Variants in FMN1 observed in about 807,000 individuals in gnomAD.
FMN1 encodes the protein formin 1.
FMN1 carries 110 observed loss-of-function variants against 132.4 expected under a neutral mutation model. That is an observed-to-expected ratio of 0.83 (90% CI 0.71 to 0.97). The LOEUF is 0.97. FMN1 is among the 50% of genes least tolerant of loss of function. FMN1 has a pLI of 0.00. For missense variants in FMN1, 1,792 were observed against 1,705.3 expected (o/e 1.05, Z -0.90); for synonymous variants, 722 against 651.7 (o/e 1.11, Z -1.64).
chr15:32,908,603 C>CAAAAAAAAAAAAAAAAAAAAACA, intron 11 of FMN1, 25 bp from the exon 12 acceptor site: 1 of 600,922 alleles, frequency 1.7e-6, no homozygotes, highest in African/African-American at 2.5e-5. Context: ...AAAACAAAAC[C>CAAAAAAAAAAAAAAAAAAAAACA]AAAAAAAAAA....
intron 2 of FMN1, among the ~76,000 whole-genome samples, chr15:33,189,168 G>A (rs890541622): frequency 8.5e-5 from 13 of 152,150 alleles, no homozygotes; most frequent in Non-Finnish European, 1.6e-4. Context: ...TCCATTATGT[G>A]TGATATGTTT....
chr15:32,804,809 CT>C (rs1373703725), intron 17 of FMN1, among the ~76,000 whole-genome samples: 1 of 152,040 alleles, frequency 6.6e-6, no homozygotes, highest in Non-Finnish European at 1.5e-5. Flanking sequence ...TAGTTTCTGG[CT>C]TCATCCGTGT....
At chr15:33,055,671 A>G (rs541289432) in intron 6 of FMN1, among the ~76,000 whole-genome samples, 1 of 152,274 alleles carries the variant, frequency 6.6e-6, no homozygotes, top group South Asian at 2.1e-4. Flanking sequence ...ACAAATGAAG[A>G]GCACTAATAA....
rs142875723 is a variant in FMN1, at chr15:33,083,730, C to G, written c.2043+5069G>C. ...GGGGATGGGTAAAATAAGGCTGAGA[C>G]CTGCTGGGCTGCATTCCTAGTAGAT... On this transcript the variant is annotated intron_variant, in intron 5 of 20. Transcript: ENST00000616417. Among the ~76,000 whole-genome samples, 1,042 of 152,236 alleles carry G rather than the reference C, an allele frequency of 6.8e-3. 21 individuals carry two copies. Among genetic ancestry groups the G allele is most frequent in the African/African-American group, 0.024 (997 of 41,530 alleles).
At chr15:32,889,874 C>T (rs2059984375) in intron 15 of FMN1, among the ~76,000 whole-genome samples, 1 of 152,104 alleles carries the variant, frequency 6.6e-6, no homozygotes, top group Non-Finnish European at 1.5e-5. Context: ...CCCTATCGCC[C>T]AAGAAATATA....
At chr15:32,810,160 A>C (rs1402539442) in intron 17 of FMN1, among the ~76,000 whole-genome samples, 1 of 152,056 alleles carries the variant, frequency 6.6e-6, no homozygotes, top group Non-Finnish European at 1.5e-5. Flanking sequence ...CAAGTGATCC[A>C]TCTGCCTCAG....
chr15:33,099,534 T>G (rs946605094), intron 4 of FMN1, among the ~76,000 whole-genome samples: 5 of 152,140 alleles, frequency 3.3e-5, no homozygotes, highest in Admixed American at 2.6e-4. Flanking sequence ...CCTTTCAGAA[T>G]GTATCATGAA....
chr15:33,024,786 T>G (rs2141032976), intron 6 of FMN1, among the ~76,000 whole-genome samples: 1 of 152,312 alleles, frequency 6.6e-6, no homozygotes. Flanking sequence ...GAACCATTGT[T>G]TCTAACAGTG....
Position 33,153,098 on chromosome 15 carries a change from C to T in FMN1, c.1817G>A (p.Ser606Asn). 6.5e-7 allele frequency: 1 copy of T among 1,535,800 alleles called. No individual in the cohort carries two copies. The highest frequency in any genetic ancestry group is 8.7e-7 in the Non-Finnish European group (1 of 1,146,764). Residue 606 changes from serine (S) to asparagine (N), a missense_variant, in exon 4 of 21, where the codon AGC becomes AAC. By Grantham distance (46) the Ser-to-Asn change is conservative. Around this residue, in one of 3 missense-constraint regions of FMN1, gnomAD observed 1,150 missense variants for 1,043.1 expected, o/e 1.10. Transcript: ENST00000616417. Reference protein sequence around the residue: ...RLVPGETLEKSLGPGKTTAEP... With the variant: ...RLVPGETLEKNLGPGKTTAEP... ...AGCTGTGGTCTTCCCTGGCCCCAAG[C>T]TCTTTTCCAAAGTTTCCCCAGGCAC... is the stretch of plus-strand genomic sequence containing the variant.
At chr15:33,023,056 A>AC (rs2035489402) in intron 6 of FMN1, among the ~76,000 whole-genome samples, 1 of 55,994 alleles carries the variant, frequency 1.8e-5, no homozygotes, top group African/African-American at 7.3e-5. Flanking sequence ...CCCCTCCCCC[A>AC]CCCAAAAAAA....
At chr15:33,009,989 C>T (rs888114768) in intron 6 of FMN1, among the ~76,000 whole-genome samples, 9 of 152,124 alleles carry the variant, frequency 5.9e-5, no homozygotes, top group African/African-American at 1.9e-4. Context: ...CAAGTTCAAG[C>T]GATTCTTCTG....
At position 32,804,322 on chromosome 15, in the gene FMN1, C is replaced by T; in HGVS notation, c.3939G>A (p.Glu1313=). The change falls in exon 18 of 21, where the codon GAG becomes GAA. Residue 1313 remains glutamate, a synonymous_variant. Coordinates refer to ENST00000616417, the MANE Select transcript of FMN1 (RefSeq NM_001277313.2). Reference sequence around the variant, plus strand: ...CCAAGTGACTTTCTTCCATCTTATGCTCTTTTTTGGCTGTAAAAGATAAAT... The same window carrying T: ...CCAAGTGACTTTCTTCCATCTTATGTTCTTTTTTGGCTGTAAAAGATAAAT... ...LEEFFQKAKK[E]HKMEESHLEN... The T allele has an allele frequency of 9.6e-6, 15 of 1,562,664 alleles. No individual in the cohort carries two copies. The highest frequency in any genetic ancestry group is 1.3e-5 in the Non-Finnish European group (15 of 1,152,348).
At chr15:32,926,666 T>C (rs1372692163) in intron 9 of FMN1, among the ~76,000 whole-genome samples, 82 of 152,186 alleles carry the variant, frequency 5.4e-4, no homozygotes, top group Admixed American at 5.4e-3. Context: ...AGTAATGTCA[T>C]CTTCTGAGTG....
At chr15:33,108,697 T>TA (rs2039580898) in intron 4 of FMN1, among the ~76,000 whole-genome samples, 1 of 152,162 alleles carries the variant, frequency 6.6e-6, no homozygotes, top group Admixed American at 6.6e-5. Context: ...AACTATATCC[T>TA]ATTCCTCTTT....
rs547097272 is a variant in FMN1 at position 33,080,563 on chromosome 15, G to T, written c.2043+8236C>A. On this transcript the variant is annotated intron_variant, in intron 5 of 20. Transcript: ENST00000616417. ...ACGTCAGGAGTTCAAGACCAGCCTG[G>T]CCAATGTAGTGAAACTCCATCTCTA... Among the ~76,000 whole-genome samples the T allele has an allele frequency of 3.1e-3, 478 of 152,166 alleles. 4 individuals carry two copies. The highest frequency in any genetic ancestry group is 0.011 in the African/African-American group (445 of 41,502).
At position 33,051,954 on chromosome 15, in the gene FMN1, G is replaced by A. The variant is rs977938711; in HGVS notation, c.2161+13003C>T. Among the ~76,000 whole-genome samples the A allele has an allele frequency of 3.9e-5, 6 of 152,166 alleles. No individual in the cohort carries two copies. The South Asian group carries it at 6.2e-4, about 16-fold the overall frequency. The stretch of plus-strand genomic sequence containing the variant: ...TACTTCCTTTTGTTCCAGCTCTAAA[G>A]TTTTTTAATCAACTTTCACTCCTGC... On this transcript the variant is annotated intron_variant, in intron 6 of 20. Coordinates refer to ENST00000616417, the MANE Select transcript of FMN1 (RefSeq NM_001277313.2).
intron 17 of FMN1, among the ~76,000 whole-genome samples, chr15:32,806,506 T>C (rs2057686394): frequency 6.6e-6 from 1 of 152,230 alleles, no homozygotes; most frequent in Middle Eastern, 3.2e-3. Flanking sequence ...GATTTTAAAA[T>C]GTAAAGGCTC....
chr15:32,798,208 ACACACACACC>A (rs1291365071), intron 19 of FMN1, among the ~76,000 whole-genome samples: 1 of 140,936 alleles, frequency 7.1e-6, no homozygotes, highest in African/African-American at 2.7e-5. Context: ...ACACACACAC[ACACACACACC>A]CCGTCTATAT....
intron 4 of FMN1, among the ~76,000 whole-genome samples, chr15:33,108,215 G>A (rs566602816): frequency 6.6e-6 from 1 of 152,032 alleles, no homozygotes; most frequent in Admixed American, 6.6e-5. Flanking sequence ...AGTTCTTACT[G>A]GCATCTTCAT....
Sources: allele counts gnomAD v4.1 joint callset (sites outside exome capture counted in the v4.1 genomes callset), GRCh38; gene constraint gnomAD v4.1.1; regional missense constraint gnomAD v4.1.1; transcripts MANE v1.5; gene names NCBI Gene and HGNC (gene_info 2026-07-23, HGNC 2026-07-21).